The following PAFAH1B1 variants were observed in gnomAD, a reference collection of about 807,000 sequenced individuals.
PAFAH1B1 encodes platelet activating factor acetylhydrolase 1b regulatory subunit 1.
A neutral mutation model predicts 57.5 loss-of-function variants in PAFAH1B1; 2 were observed. The observed-to-expected ratio is 0.03, with a 90% CI of 0.01 to 0.11. The LOEUF is 0.11. Among genes scored for constraint, PAFAH1B1 ranks in the 10% least tolerant of loss-of-function variants. The probability of loss-of-function intolerance (pLI) is 1.00; values close to 1 mark genes in which losing one functional copy is unlikely to be tolerated. For missense variants in PAFAH1B1, 257 were observed against 512.0 expected (o/e 0.50, Z 4.81); for synonymous variants, 152 against 169.6 (o/e 0.90, Z 0.81).
chr17:2,672,526 A>G (rs535903138), intron 6 of PAFAH1B1, 129 bp from the exon 7 acceptor site: 28 of 690,156 alleles, frequency 4.1e-5, no homozygotes, highest in African/African-American at 3.6e-4. Flanking sequence ...TCCAATTTGT[A>G]TAAAATCCAG....
At chr17:2,601,873 T>G (rs2068148186) in intron 1 of PAFAH1B1, among the ~76,000 whole-genome samples, 1 of 152,238 alleles carries the variant, frequency 6.6e-6, no homozygotes, top group Non-Finnish European at 1.5e-5. Context: ...ATTACAGGCA[T>G]GAGCCACTGC....
At chr17:2,616,608 T>C (rs2068344125) in intron 1 of PAFAH1B1, among the ~76,000 whole-genome samples, 2 of 152,228 alleles carry the variant, frequency 1.3e-5, no homozygotes, top group Admixed American at 1.3e-4. Flanking sequence ...CTGAGTCTGC[T>C]GACTTAAATG....
intron 5 of PAFAH1B1, among the ~76,000 whole-genome samples, chr17:2,669,350 C>T (rs902095524): frequency 2.6e-5 from 4 of 151,370 alleles, no homozygotes; most frequent in East Asian, 1.9e-4. Context: ...CTGCAGCCTC[C>T]GCCTCCCAGG....
intron 2 of PAFAH1B1, among the ~76,000 whole-genome samples, chr17:2,658,237 C>T (rs1309927412): frequency 2.6e-5 from 4 of 152,134 alleles, no homozygotes; most frequent in Non-Finnish European, 5.9e-5. Flanking sequence ...TTCTCTCTCC[C>T]TCTCCCCCAA....
chr17:2,600,810 A>G lies in PAFAH1B1; in HGVS notation c.-191+6804A>G, dbSNP rs889216251. ...AGTGGCGCGATCTCGGCTCACTGCA[A>G]CCTCCGCCTCCTGGGTTCAAGCGAT... On this transcript the variant is annotated intron_variant, in intron 1 of 10. Coordinates refer to ENST00000397195, the MANE Select transcript of PAFAH1B1 (RefSeq NM_000430.4). 6.0e-5 allele frequency among the ~76,000 whole-genome samples: 9 copies of G among 151,166 alleles called. No homozygotes were observed. The East Asian group carries it at 1.6e-3, about 27-fold the overall frequency.
At chr17:2,634,662 A>ATT (rs926275730) in intron 1 of PAFAH1B1, among the ~76,000 whole-genome samples, 1 of 147,840 alleles carries the variant, frequency 6.8e-6, no homozygotes, top group Non-Finnish European at 1.5e-5. Flanking sequence ...TAAGTGAGTG[A>ATT]TTTTTTTTTT....
intron 1 of PAFAH1B1, among the ~76,000 whole-genome samples, chr17:2,603,803 C>T (rs2068173036): frequency 6.6e-6 from 1 of 151,168 alleles, no homozygotes; most frequent in South Asian, 2.1e-4. Flanking sequence ...TGCAGTGGCA[C>T]GATCTTGGCT....
At chr17:2,664,265 G>A (rs1215150462) in intron 2 of PAFAH1B1, among the ~76,000 whole-genome samples, 1 of 152,048 alleles carries the variant, frequency 6.6e-6, no homozygotes, top group African/African-American at 2.4e-5. Context: ...ATTTTGAGAC[G>A]TAGTTTCGCT....
intron 1 of PAFAH1B1, among the ~76,000 whole-genome samples, chr17:2,616,502 C>G (rs1050287338): frequency 6.6e-6 from 1 of 152,152 alleles, no homozygotes; most frequent in Admixed American, 6.6e-5. Flanking sequence ...TGGCAGAATT[C>G]TATCTTACTT....
At position 2,670,306 on chromosome 17, in the gene PAFAH1B1, C is replaced by T; in HGVS notation, c.543C>T (p.Gly181=). The change falls in exon 6 of 11, where the codon GGC becomes GGT. Residue 181 remains glycine (G), a synonymous_variant. Transcript: ENST00000397195. ...CCATTAAACTATGGGATTTTCAGGG[C>T]TTTGAATGCATCAGAACCATGCACG... is the stretch of plus-strand genomic sequence containing the variant. ...DMTIKLWDFQ[G]FECIRTMHGH... is the part of the protein sequence containing the mutation. 1 of 1,614,054 alleles carries T rather than the reference C, an allele frequency of 6.2e-7. No individual in the cohort carries two copies. Among genetic ancestry groups the T allele is most frequent in the South Asian group, 1.1e-5 (1 of 91,084 alleles).
At chr17:2,652,342 G>A (rs1488773147) in intron 2 of PAFAH1B1, among the ~76,000 whole-genome samples, 1 of 152,226 alleles carries the variant, frequency 6.6e-6, no homozygotes, top group Non-Finnish European at 1.5e-5. Context: ...GTGAACCCGG[G>A]AGGCGGAGCT....
intron 6 of PAFAH1B1, among the ~76,000 whole-genome samples, chr17:2,671,764 G>A (rs183180317): frequency 4.6e-5 from 7 of 151,498 alleles, no homozygotes; most frequent in South Asian, 2.1e-4. Flanking sequence ...CACCACACCC[G>A]GCTAACTTTT....
intron 2 of PAFAH1B1, among the ~76,000 whole-genome samples, chr17:2,653,916 C>G (rs1434674186): frequency 1.3e-5 from 2 of 152,152 alleles, no homozygotes; most frequent in Non-Finnish European, 2.9e-5. Context: ...TCACGTGATT[C>G]TCCTGCCTCA....
Position 2,653,019 on chromosome 17 carries a change from C to T in PAFAH1B1, c.33-12353C>T, listed in dbSNP as rs191050184. On this transcript the variant is annotated intron_variant, in intron 2 of 10. Transcript: ENST00000397195. ...ACAATAGCAAAGACTTGGAACCAAC[C>T]CAGATGTCCAACAACGATAGACTGG... 5.9e-3 allele frequency among the ~76,000 whole-genome samples: 891 copies of T among 152,232 alleles called. 12 individuals carry two copies. The highest frequency in any genetic ancestry group is 0.02 in the African/African-American group (848 of 41,534).
chr17:2,619,315 C>T lies in PAFAH1B1; in HGVS notation c.-190-18784C>T, dbSNP rs537115432. On this transcript the variant is annotated intron_variant, in intron 1 of 10. Coordinates refer to ENST00000397195, the MANE Select transcript of PAFAH1B1 (RefSeq NM_000430.4). ...CTAAGTATGTACCAACCACCACACC[C>T]GGCTAATTAAAAAAAATTATTTTGT... Among the ~76,000 whole-genome samples the T allele has an allele frequency of 1.1e-4, 16 of 152,042 alleles. No homozygotes were observed. The South Asian group carries it at 2.7e-3, about 26-fold the overall frequency.
intron 9 of PAFAH1B1, among the ~76,000 whole-genome samples, chr17:2,678,433 G>C (rs1215688966): frequency 6.6e-6 from 1 of 150,480 alleles, no homozygotes; most frequent in Non-Finnish European, 1.5e-5. Context: ...GGGCATGGTG[G>C]CGCACGTCTG....
chr17:2,616,436 A>AG (rs2068341497), intron 1 of PAFAH1B1, among the ~76,000 whole-genome samples: 1 of 152,172 alleles, frequency 6.6e-6, no homozygotes, highest in South Asian at 2.1e-4. Flanking sequence ...GTAGGCTGAC[A>AG]GGCCGGGGAC....
At chr17:2,667,769 A>G (rs1372208340) in intron 5 of PAFAH1B1, among the ~76,000 whole-genome samples, 1 of 151,914 alleles carries the variant, frequency 6.6e-6, no homozygotes, top group African/African-American at 2.4e-5. Flanking sequence ...GGGAATATAC[A>G]AGCTTTTCAT....
At chr17:2,645,639 A>G (rs2068758227) in intron 2 of PAFAH1B1, among the ~76,000 whole-genome samples, 1 of 146,816 alleles carries the variant, frequency 6.8e-6, no homozygotes, top group African/African-American at 2.5e-5. Flanking sequence ...TGTTAGACGG[A>G]GTCTCGCTCT....
Sources: allele counts gnomAD v4.1 joint callset (sites outside exome capture counted in the v4.1 genomes callset), GRCh38; gene constraint gnomAD v4.1.1; transcripts MANE v1.5; gene names NCBI Gene and HGNC (gene_info 2026-07-23, HGNC 2026-07-21).